Variants in NCAN observed in about 807,000 individuals in gnomAD.
NCAN encodes the protein neurocan.
In NCAN, 47 loss-of-function variants were observed where a neutral mutation model predicts 121.8. The observed-to-expected ratio is 0.39, with a 90% CI of 0.31 to 0.49. NCAN has a LOEUF of 0.49. Ranked by LOEUF, NCAN falls within the 20% of genes least tolerant of loss-of-function variation. The probability of loss-of-function intolerance (pLI) is 0.92; values close to 1 mark genes in which losing one functional copy is unlikely to be tolerated. For synonymous variants in NCAN, 633 were observed against 702.0 expected (o/e 0.90, Z 1.55); for missense variants, 1,517 against 1,773.4 (o/e 0.86, Z 2.60).
intron 1 of NCAN, among the ~76,000 whole-genome samples, chr19:19,215,458 G>T (rs2060793071): frequency 1.3e-5 from 2 of 152,176 alleles, no homozygotes; most frequent in Non-Finnish European, 2.9e-5. Context: ...CCAACGACTG[G>T]CATGGGCTTT....
Position 19,240,638 on chromosome 19 carries a change from G to C in NCAN, c.3445G>C (p.Asp1149His), listed in dbSNP as rs1323959743. 2 of 1,614,018 alleles carry C rather than the reference G, an allele frequency of 1.2e-6. No homozygotes were observed. Among genetic ancestry groups the C allele is most frequent in the African/African-American group, 1.3e-5 (1 of 74,952 alleles). ...TGAAAACACGTGGATCGGCCTGAAC[G>C]ACAGGATCGTGGAGAGAGATTTCCA... ...GHENTWIGLN[D>H]RIVERDFQWT... Residue 1149 changes from aspartate to histidine, a missense_variant, in exon 12 of 15, where the codon GAC (aspartate) becomes CAC (histidine). Physicochemically the swap from Asp to His is moderately conservative, Grantham distance 81 (BLOSUM62 -1). Transcript: ENST00000252575.
chr19:19,218,789 G>C, intron 2 of NCAN, 126 bp from the exon 3 acceptor site: 1 of 983,236 alleles, frequency 1.0e-6, no homozygotes, highest in South Asian at 3.0e-5. Context: ...GGATTCTGAG[G>C]TCAAGTGGCC....
chr19:19,239,537 A>C (rs1428152996), intron 11 of NCAN, among the ~76,000 whole-genome samples: 88 of 60,402 alleles, frequency 1.5e-3, no homozygotes, highest in Admixed American at 2.4e-3. Flanking sequence ...TCCTCCTTCC[A>C]CTCATCTTCC....
Position 19,212,784 on chromosome 19 carries a change from T to C in NCAN, c.-8+720T>C, listed in dbSNP as rs1289938078. Among the ~76,000 whole-genome samples, 2 of 152,102 alleles carry C rather than the reference T, an allele frequency of 1.3e-5. No individual in the cohort carries two copies. The highest frequency in any genetic ancestry group is 2.9e-5 in the Non-Finnish European group (2 of 67,984). On this transcript the variant is annotated intron_variant, in intron 1 of 14. Transcript: ENST00000252575. The surrounding 1 kb of genome is among the most constrained non-coding windows in gnomAD (Gnocchi z 4.5). ...CTGGGTGTCCCAGGTGAATGTTGGG[T>C]GGGGGTCCCCTAGACCCCCCAGCTA...
At chr19:19,239,570 T>A (rs2060894803) in intron 11 of NCAN, among the ~76,000 whole-genome samples, 1 of 89,764 alleles carries the variant, frequency 1.1e-5, no homozygotes, top group African/African-American at 4.7e-5. Flanking sequence ...CTCTCCATCC[T>A]CCCTCCCCTC....
Position 19,226,571 on chromosome 19 carries a change from A to C in NCAN, c.1158A>C (p.Pro386=), listed in dbSNP as rs751697339. The change falls in exon 7 of 15, where the codon CCA becomes CCC. Residue 386 remains proline, a synonymous_variant. Coordinates refer to ENST00000252575, the MANE Select transcript of NCAN (RefSeq NM_004386.3). ...AGATTCTGTCAGCAGAGGGGCCCCC[A>C]GTTAGAGAACTGGAGCCCACCCTGG... The part of the protein sequence containing the change: ...EGEILSAEGP[P]VRELEPTLEE... The C allele has an allele frequency of 6.2e-7, 1 of 1,613,716 alleles. No homozygotes were observed. The highest frequency in any genetic ancestry group is 8.5e-7 in the Non-Finnish European group (1 of 1,179,820).
chr19:19,221,103 G>C (rs546616127), intron 3 of NCAN, among the ~76,000 whole-genome samples: 148 of 151,950 alleles, frequency 9.7e-4, no homozygotes, highest in African/African-American at 3.4e-3. Context: ...AGCCAGGTAT[G>C]ATGGTGTGTT....
chr19:19,232,544 T>TA (rs1224367984), intron 8 of NCAN, among the ~76,000 whole-genome samples: 3 of 152,220 alleles, frequency 2.0e-5, no homozygotes, highest in African/African-American at 7.2e-5. Context: ...GGCCAGCTGC[T>TA]ACCTTCATTC....
intron 1 of NCAN, among the ~76,000 whole-genome samples, chr19:19,213,809 A>G (rs766707468): frequency 6.6e-6 from 1 of 152,146 alleles, no homozygotes; most frequent in Non-Finnish European, 1.5e-5. Flanking sequence ...GAAATCCCCA[A>G]GGGGAAGCCC....
chr19:19,228,096 G>T lies in NCAN; in HGVS notation c.2476G>T (p.Val826Leu), dbSNP rs1319140705. ...PWVATDEGPT[V>L]NPMDSTVTPA... Reference sequence around the variant, plus strand: ...GGTTGCTACAGATGAAGGACCCACTGTGAATCCCATGGATTCCACAGTCAC... The same window carrying T: ...GGTTGCTACAGATGAAGGACCCACTTTGAATCCCATGGATTCCACAGTCAC... The change falls in exon 8 of 15, where the codon GTG (valine) becomes TTG (leucine). Residue 826 changes from valine to leucine, a missense_variant. By Grantham distance (32) the Val-to-Leu change is conservative. Transcript: ENST00000252575. 6.2e-7 allele frequency: 1 copy of T among 1,613,620 alleles called. No individual in the cohort carries two copies. The highest frequency in any genetic ancestry group is 1.3e-5 in the African/African-American group (1 of 75,018).
At chr19:19,240,345 C>T (rs562774640) in intron 11 of NCAN, among the ~76,000 whole-genome samples, 1 of 152,068 alleles carries the variant, frequency 6.6e-6, no homozygotes, top group East Asian at 1.9e-4. Context: ...GAGTCTTCCC[C>T]TCCCATACAT....
chr19:19,247,358 A>G (rs766341302), intron 13 of NCAN, among the ~76,000 whole-genome samples: 5 of 152,084 alleles, frequency 3.3e-5, no homozygotes, highest in Non-Finnish European at 7.3e-5. Flanking sequence ...GGTTCACGCC[A>G]TTCTCCTGCC....
rs1255607885 is a variant in NCAN at position 19,227,209 on chromosome 19, C to G, written c.1661-72C>G. The stretch of plus-strand genomic sequence containing the variant: ...TCCTCTGGCCCCAGAAGCCCCCTCT[C>G]CCTTGGGCCTGGAGTCCAACCAAAG... On this transcript the variant is annotated intron_variant, in intron 7 of 14. Transcript: ENST00000252575. The surrounding 1 kb of genome is among the most constrained non-coding windows in gnomAD (Gnocchi z 4.2). The G allele has an allele frequency of 1.3e-6, 2 of 1,501,792 alleles. No homozygotes were observed. Among genetic ancestry groups the G allele is most frequent in the Non-Finnish European group, 1.8e-6 (2 of 1,127,706 alleles). The allele number at this position is 1,501,792 out of a possible 1,614,324, so 93.0% of individuals were successfully genotyped here. A position where few individuals can be genotyped will look rare whatever the true frequency, so the allele number is the denominator to read the frequency against.
At chr19:19,213,123 C>T (rs1048909368) in intron 1 of NCAN, among the ~76,000 whole-genome samples, 1 of 152,078 alleles carries the variant, frequency 6.6e-6, no homozygotes, top group African/African-American at 2.4e-5. Context: ...TGGGCCCCAG[C>T]GGGGGACGTG....
intron 3 of NCAN, among the ~76,000 whole-genome samples, chr19:19,219,672 C>CA (rs56231208): frequency 6.1e-5 from 3 of 49,256 alleles, no homozygotes; most frequent in Admixed American, 3.5e-4. Flanking sequence ...GACCCTGTCA[C>CA]AAAAAAAAAA....
At chr19:19,235,442 T>C (rs2060877503) in intron 10 of NCAN, among the ~76,000 whole-genome samples, 1 of 143,648 alleles carries the variant, frequency 7.0e-6, no homozygotes, top group South Asian at 2.2e-4. Flanking sequence ...GGCTAATTTT[T>C]GTATTTTTTA....
At chr19:19,243,387 G>T (rs1178285777) in intron 12 of NCAN, among the ~76,000 whole-genome samples, 3 of 151,694 alleles carry the variant, frequency 2.0e-5, no homozygotes, top group Non-Finnish European at 4.4e-5. Flanking sequence ...GTGGTGGCGT[G>T]CACGTGTAAT....
In NCAN at chr19:19,226,748, A is replaced by C; in HGVS notation, c.1335A>C (p.Glu445Asp). Residue 445 changes from glutamate (E) to aspartate (D), a missense_variant, in exon 7 of 15, where the codon GAA (glutamate) becomes GAC (aspartate). Physicochemically the swap from Glu to Asp is conservative, Grantham distance 45. Coordinates refer to ENST00000252575, the MANE Select transcript of NCAN (RefSeq NM_004386.3). The stretch of plus-strand genomic sequence containing the variant: ...TGCTGGCCTCATGGCCCACTGGGGA[A>C]GTGTGGCTAAGCACGGTGGCCCCCA... ...DPMLASWPTG[E>D]VWLSTVAPSP... The C allele has an allele frequency of 6.2e-7, 1 of 1,613,316 alleles. No individual in the cohort carries two copies. The highest frequency in any genetic ancestry group is 8.5e-7 in the Non-Finnish European group (1 of 1,179,758).
chr19:19,222,615 TG>T (rs1275100701), intron 3 of NCAN, among the ~76,000 whole-genome samples: 1 of 152,162 alleles, frequency 6.6e-6, no homozygotes, highest in Non-Finnish European at 1.5e-5. Flanking sequence ...TACACTGTAC[TG>T]GTCCAATGCT....
Sources: gnomAD v4.1 joint callset for allele counts (sites outside exome capture counted in the v4.1 genomes callset) on GRCh38, gnomAD v4.1.1 for gene constraint, Gnocchi (gnomAD v3.1) non-coding constraint, MANE v1.5 for transcripts, NCBI Gene and HGNC (gene_info 2026-07-23, HGNC 2026-07-21) for gene names.